The following KALRN variants were observed in gnomAD, a reference collection of about 807,000 sequenced individuals.
KALRN encodes the protein kalirin RhoGEF kinase.
In KALRN, 70 loss-of-function variants were observed where a neutral mutation model predicts 353.7. That is an observed-to-expected ratio of 0.20 (90% CI 0.16 to 0.24). The LOEUF (loss-of-function observed/expected upper bound fraction) is 0.24, where lower values mean the gene tolerates loss of function less well. Among genes scored for constraint, KALRN ranks in the 10% least tolerant of loss-of-function variants. The pLI is 1.00. For missense variants in KALRN, 2,791 were observed against 3,756.7 expected (o/e 0.74, Z 6.72); for synonymous variants, 1,391 against 1,434.8 (o/e 0.97, Z 0.69).
At chr3:124,361,117 T>C (rs1205998855) in intron 10 of KALRN, among the ~76,000 whole-genome samples, 3 of 152,142 alleles carry the variant, frequency 2.0e-5, no homozygotes, top group Non-Finnish European at 2.9e-5. Context: ...GAGAGGATCA[T>C]TCAAGTGGAG....
intron 17 of KALRN, 45 bp from the exon 18 acceptor site, chr3:124,438,843 C>A: frequency 1.3e-6 from 2 of 1,564,326 alleles, no homozygotes; most frequent in Non-Finnish European, 1.7e-6. Flanking sequence ...GAGAATAATT[C>A]CTGAATAATT....
At position 124,334,515 on chromosome 3, in the gene KALRN, G is replaced by A. The variant is rs201460189; in HGVS notation, c.1647+20G>A. The A allele has an allele frequency of 3.1e-5, 48 of 1,570,756 alleles. No homozygotes were observed. The Middle Eastern group carries it at 5.4e-4, about 18-fold the overall frequency. On this transcript the variant is annotated intron_variant, in intron 9 of 59. Transcript: ENST00000682506. The surrounding 1 kb of genome is among the most constrained non-coding windows in gnomAD (Gnocchi z 4.2). Reference sequence around the variant, plus strand: ...CAGCAGGTAACAGGCTCTGAGCCCCGGTGTCCATTATCCATTCTAGGAGGC... The same window carrying A: ...CAGCAGGTAACAGGCTCTGAGCCCCAGTGTCCATTATCCATTCTAGGAGGC...
chr3:124,171,591 G>T (rs1337915608), intron 1 of KALRN, among the ~76,000 whole-genome samples: 1 of 151,802 alleles, frequency 6.6e-6, no homozygotes, highest in Non-Finnish European at 1.5e-5. Flanking sequence ...TCAGACTGAG[G>T]GGGTAGCAAA....
At chr3:124,080,028 A>T (rs751061918) in intron 1 of KALRN, 3 of 470,994 alleles carry the variant, frequency 6.4e-6, no homozygotes, top group African/African-American at 2.0e-5. Context: ...CTCTAGTTGC[A>T]TTCTATGTTG....
intron 11 of KALRN, 66 bp from the exon 12 acceptor site, chr3:124,395,069 T>C: frequency 7.6e-7 from 1 of 1,312,914 alleles, no homozygotes; most frequent in South Asian, 1.3e-5. Context: ...TCTAGCTTCC[T>C]TGCCCTCACC....
At chr3:124,419,085 A>T (rs1435067539) in intron 14 of KALRN, among the ~76,000 whole-genome samples, 2 of 152,018 alleles carry the variant, frequency 1.3e-5, no homozygotes, top group Non-Finnish European at 1.5e-5. Context: ...GAAAAAAAAA[A>T]ATTCTCTGCT....
rs111763228 is a variant in KALRN, at chr3:124,409,459, G to A, written c.2347-4011G>A. 2.4e-3 allele frequency among the ~76,000 whole-genome samples: 370 copies of A among 152,278 alleles called. 1 individual carries two copies. Among genetic ancestry groups the A allele is most frequent in the African/African-American group, 8.5e-3 (352 of 41,546 alleles). ...AAAATATTCGGGTCTAGGTGTTGTC[G>A]TGAAGCTCTTCATGCCAGAGGGTTT... is the stretch of plus-strand genomic sequence containing the variant. On this transcript the variant is annotated intron_variant, in intron 13 of 59. Coordinates refer to ENST00000682506, the MANE Select transcript of KALRN (RefSeq NM_001388419.1).
chr3:124,180,766 C>T (rs2073458603), intron 1 of KALRN, among the ~76,000 whole-genome samples: 1 of 152,160 alleles, frequency 6.6e-6, no homozygotes, highest in South Asian at 2.1e-4. Context: ...GCCCACTTCT[C>T]TCTCTGCTCT....
chr3:124,096,383 C>G (rs1407541998), intron 1 of KALRN, among the ~76,000 whole-genome samples: 1 of 152,156 alleles, frequency 6.6e-6, no homozygotes, highest in Non-Finnish European at 1.5e-5. Flanking sequence ...TTCTCACTCT[C>G]CAACAAACAT....
intron 36 of KALRN, among the ~76,000 whole-genome samples, chr3:124,635,746 A>G (rs1057019832): frequency 6.6e-6 from 1 of 152,092 alleles, no homozygotes; most frequent in African/African-American, 2.4e-5. Context: ...TATAATATGC[A>G]TATGTTGTGT....
intron 6 of KALRN, among the ~76,000 whole-genome samples, chr3:124,321,835 G>A (rs1468519310): frequency 1.3e-5 from 2 of 152,230 alleles, no homozygotes; most frequent in Non-Finnish European, 1.5e-5. Flanking sequence ...CCATGCTGCA[G>A]GTGCATTGCC....
At chr3:124,220,476 A>T (rs2077772228) in intron 1 of KALRN, among the ~76,000 whole-genome samples, 1 of 150,042 alleles carries the variant, frequency 6.7e-6, no homozygotes, top group African/African-American at 2.5e-5. Flanking sequence ...GTTTTCTCCC[A>T]CTCTTGCCAC....
At chr3:124,609,411 G>A (rs536259349) in intron 34 of KALRN, among the ~76,000 whole-genome samples, 22 of 152,120 alleles carry the variant, frequency 1.4e-4, no homozygotes, top group Non-Finnish European at 2.8e-4. Context: ...CTGAGTTTGT[G>A]GAAGTCCTAA....
chr3:124,360,373 G>C (rs1175312154), intron 10 of KALRN, among the ~76,000 whole-genome samples: 1 of 152,216 alleles, frequency 6.6e-6, no homozygotes, highest in East Asian at 1.9e-4. Context: ...CTGGAGCTGA[G>C]CCTGCCATGG....
At chr3:124,280,618 A>AT (rs1006487611) in intron 5 of KALRN, among the ~76,000 whole-genome samples, 4 of 152,208 alleles carry the variant, frequency 2.6e-5, no homozygotes, top group African/African-American at 9.6e-5. Flanking sequence ...TGAGAATGAG[A>AT]TTTTGTATGT....
At chr3:124,451,756 A>G (rs1021667399) in intron 21 of KALRN, among the ~76,000 whole-genome samples, 4 of 152,214 alleles carry the variant, frequency 2.6e-5, no homozygotes, top group African/African-American at 9.7e-5. Flanking sequence ...TCTGGAGATG[A>G]AAACTGGAAT....
intron 10 of KALRN, among the ~76,000 whole-genome samples, chr3:124,349,843 A>G (rs749959843): frequency 1.3e-5 from 2 of 152,204 alleles, no homozygotes; most frequent in Non-Finnish European, 2.9e-5. Context: ...CAGATCCACA[A>G]TATCTGGTCC....
chr3:124,526,695 G>A (rs1167155774), intron 33 of KALRN, among the ~76,000 whole-genome samples: 1 of 152,158 alleles, frequency 6.6e-6, no homozygotes, highest in African/African-American at 2.4e-5. Context: ...TGTTTGACAT[G>A]AGAAGGGCTA....
At chr3:124,212,368 T>C (rs904732543) in intron 1 of KALRN, among the ~76,000 whole-genome samples, 8 of 152,122 alleles carry the variant, frequency 5.3e-5, no homozygotes, top group Admixed American at 2.6e-4. Context: ...GCCTAACCTA[T>C]ATAGTGTGTG....
Sources: gnomAD v4.1 joint callset for allele counts (sites outside exome capture counted in the v4.1 genomes callset) on GRCh38, gnomAD v4.1.1 for gene constraint, Gnocchi (gnomAD v3.1) non-coding constraint, MANE v1.5 for transcripts, NCBI Gene and HGNC (gene_info 2026-07-23, HGNC 2026-07-21) for gene names.